CAMSAP2: variants seen among roughly 807,000 people sequenced by gnomAD.
The protein encoded by CAMSAP2 is calmodulin regulated spectrin associated protein family member 2, also known as calmodulin-regulated spectrin-associated protein 2.
A neutral mutation model predicts 146.1 loss-of-function variants in CAMSAP2; 26 were observed. The ratio of observed to expected loss-of-function variants is 0.18; its 90% CI spans 0.13 to 0.25. CAMSAP2 has a LOEUF of 0.25. CAMSAP2 is among the 10% of genes least tolerant of loss of function. The probability of loss-of-function intolerance (pLI) is 1.00; values close to 1 mark genes in which losing one functional copy is unlikely to be tolerated. For missense variants in CAMSAP2, 1,381 were observed against 1,759.3 expected (o/e 0.78, Z 3.85); for synonymous variants, 499 against 596.6 (o/e 0.84, Z 2.38).
intron 2 of CAMSAP2, among the ~76,000 whole-genome samples, chr1:200,780,582 G>A (rs962245212): frequency 1.3e-5 from 2 of 152,202 alleles, no homozygotes; most frequent in African/African-American, 4.8e-5. Context: ...TGTAGAGGCA[G>A]TGAGGTGTGG....
intron 2 of CAMSAP2, among the ~76,000 whole-genome samples, chr1:200,805,342 A>G (rs1666143944): frequency 6.6e-6 from 1 of 152,226 alleles, no homozygotes; most frequent in South Asian, 2.1e-4. Context: ...CCAAAAGGCT[A>G]GCTTCTTTCT....
intron 4 of CAMSAP2, among the ~76,000 whole-genome samples, chr1:200,824,179 C>T (rs897643608): frequency 4.7e-5 from 7 of 150,276 alleles, no homozygotes; most frequent in African/African-American, 1.5e-4. Context: ...ATTTGGCCAA[C>T]GGGAGTCCCT....
At chr1:200,828,267 T>G (rs1666953347) in intron 4 of CAMSAP2, among the ~76,000 whole-genome samples, 2 of 152,326 alleles carry the variant, frequency 1.3e-5, no homozygotes, top group Admixed American at 1.3e-4. Flanking sequence ...TTTTTTAATA[T>G]GACATATGAT....
At position 200,848,628 on chromosome 1, in the gene CAMSAP2, C is replaced by T. The variant is rs367897429; in HGVS notation, c.1859C>T (p.Pro620Leu). The T allele has an allele frequency of 6.2e-7, 1 of 1,614,104 alleles. No individual in the cohort carries two copies. Among genetic ancestry groups the T allele is most frequent in the Non-Finnish European group, 8.5e-7 (1 of 1,179,996 alleles). Reference sequence around the variant, plus strand: ...ATTCACGTTCCTTCAGAAGATATTCCTGAAACTATGGACGAAGATTCTTCG... The same window carrying T: ...ATTCACGTTCCTTCAGAAGATATTCTTGAAACTATGGACGAAGATTCTTCG... ...TGIHVPSEDI[P>L]ETMDEDSSLR... Residue 620 changes from proline to leucine, a missense_variant, in exon 11 of 17, where the codon CCT becomes CTT. Physicochemically the swap from Pro to Leu is moderately conservative, Grantham distance 98 (BLOSUM62 -3). Transcript: ENST00000358823.
chr1:200,772,019 A>T (rs1423547777), intron 2 of CAMSAP2, among the ~76,000 whole-genome samples: 1 of 152,184 alleles, frequency 6.6e-6, no homozygotes, highest in East Asian at 1.9e-4. Context: ...GACCATTTTT[A>T]CTCACTTGAG....
Position 200,773,164 on chromosome 1 carries a change from T to G in CAMSAP2, c.399+12066T>G, listed in dbSNP as rs927366804. ...AAGCTAAGATACTTAAGGAGTTGTC[T>G]GATATTACAGACCTGCCAGCAATAA... is the stretch of plus-strand genomic sequence containing the variant. On this transcript the variant is annotated intron_variant, in intron 2 of 16. Transcript: ENST00000358823. Among the ~76,000 whole-genome samples, 3 of 152,234 alleles carry G rather than the reference T, an allele frequency of 2.0e-5. No homozygotes were observed. In the South Asian group the frequency reaches 6.2e-4, roughly 31 times the overall value.
At chr1:200,756,984 ATAACT>A (rs1198695997) in intron 1 of CAMSAP2, among the ~76,000 whole-genome samples, 2 of 152,044 alleles carry the variant, frequency 1.3e-5, no homozygotes, top group Non-Finnish European at 2.9e-5. Context: ...TGCCATTTTG[ATAACT>A]TTAATTACTG....
At chr1:200,820,336 A>G (rs1382915194) in intron 4 of CAMSAP2, among the ~76,000 whole-genome samples, 4 of 152,136 alleles carry the variant, frequency 2.6e-5, no homozygotes, top group Admixed American at 2.6e-4. Flanking sequence ...GATTATAGGT[A>G]TGAGACACCA....
chr1:200,837,104 A>T (rs1447386439), intron 6 of CAMSAP2, among the ~76,000 whole-genome samples: 1 of 151,924 alleles, frequency 6.6e-6, no homozygotes, highest in Non-Finnish European at 1.5e-5. Flanking sequence ...ATTAGATCCT[A>T]TTTGTCAATT....
chr1:200,853,544 ATTGGT>A lies in CAMSAP2; in HGVS notation c.3823+53_3823+57del, dbSNP rs1667678855. 7.0e-7 allele frequency: 1 copy of A among 1,419,038 alleles called. No homozygotes were observed. 87.9% of individuals were successfully genotyped at this position (1,419,038 alleles called of 1,614,324 possible). A position where few individuals can be genotyped will look rare whatever the true frequency, so the allele number is the denominator to read the frequency against. ...TCTGTTCATAAAAAACACCAGCTTG[ATTGGT>A]TTGTCATACTAACTTGGTTGTACTT... On this transcript the variant is annotated intron_variant, in intron 13 of 16. Coordinates refer to ENST00000358823, the MANE Select transcript of CAMSAP2 (RefSeq NM_203459.4). The surrounding 1 kb of genome is among the most constrained non-coding windows in gnomAD (Gnocchi z 5.1).
intron 1 of CAMSAP2, among the ~76,000 whole-genome samples, chr1:200,750,559 A>G (rs1224619358): frequency 2.0e-5 from 3 of 150,452 alleles, no homozygotes; most frequent in Admixed American, 6.7e-5. Context: ...CCTACCTCCC[A>G]CACAAATGCC....
intron 2 of CAMSAP2, 58 bp downstream of exon 2, chr1:200,761,156 A>G: frequency 1.4e-6 from 2 of 1,463,670 alleles, no homozygotes; most frequent in East Asian, 2.3e-5. Flanking sequence ...TTTGAGTGTG[A>G]ATGATATACT....
At chr1:200,753,740 CCT>C (rs921237249) in intron 1 of CAMSAP2, among the ~76,000 whole-genome samples, 2 of 152,156 alleles carry the variant, frequency 1.3e-5, no homozygotes, top group Admixed American at 6.5e-5. Flanking sequence ...TCCCTTCTTC[CCT>C]CTCTTCCATT....
At chr1:200,787,974 T>C (rs1373969269) in intron 2 of CAMSAP2, among the ~76,000 whole-genome samples, 1 of 152,230 alleles carries the variant, frequency 6.6e-6, no homozygotes, top group Non-Finnish European at 1.5e-5. Context: ...CATAATGATA[T>C]TGCACTCAAT....
At position 200,857,274 on chromosome 1, in the gene CAMSAP2, T is replaced by C; in HGVS notation, c.4013-32T>C. 7.5e-7 allele frequency: 1 copy of C among 1,325,240 alleles called. No individual in the cohort carries two copies. Among genetic ancestry groups the C allele is most frequent in the Non-Finnish European group, 1.1e-6 (1 of 922,334 alleles). 82.1% of individuals were successfully genotyped at this position (1,325,240 alleles called of 1,614,324 possible). A position where few individuals can be genotyped will look rare whatever the true frequency, so the allele number is the denominator to read the frequency against. ...TAGTATTTCTGACTTAGGAATGTTA[T>C]TTTTATTATTGTTGTTAAATCCCTA... On this transcript the variant is annotated intron_variant, in intron 15 of 16. Coordinates refer to ENST00000358823, the MANE Select transcript of CAMSAP2 (RefSeq NM_203459.4). The surrounding 1 kb of genome is among the most constrained non-coding windows in gnomAD (Gnocchi z 4.7).
In CAMSAP2 at chr1:200,807,509, A is replaced by G. The variant is rs748810827; in HGVS notation, c.533A>G (p.Glu178Gly). The G allele has an allele frequency of 6.2e-7, 1 of 1,611,140 alleles. No individual in the cohort carries two copies. Residue 178 changes from glutamate (E) to glycine (G), a missense_variant, in exon 3 of 17, where the codon GAG becomes GGG. Physicochemically the swap from Glu to Gly is moderately conservative, Grantham distance 98. Around this residue, in one of 4 missense-constraint regions of CAMSAP2, gnomAD observed 284 missense variants for 406.9 expected, o/e 0.70. Coordinates refer to ENST00000358823, the MANE Select transcript of CAMSAP2 (RefSeq NM_203459.4). ...GCCACAGATCTGCCCTATGATATTG[A>G]GGACGCTGTCATGTACTGGATAAAT... is the stretch of plus-strand genomic sequence containing the variant. ...FQATDLPYDI[E>G]DAVMYWINKV...
intron 11 of CAMSAP2, among the ~76,000 whole-genome samples, chr1:200,851,435 T>C (rs919317721): frequency 6.6e-6 from 1 of 152,206 alleles, no homozygotes; most frequent in African/African-American, 2.4e-5. Flanking sequence ...CCTCAGGTGA[T>C]CTACCCGCCT....
At chr1:200,787,387 T>C (rs959925003) in intron 2 of CAMSAP2, among the ~76,000 whole-genome samples, 6 of 152,148 alleles carry the variant, frequency 3.9e-5, no homozygotes, top group Non-Finnish European at 7.4e-5. Flanking sequence ...GGGATGACTT[T>C]AAGGGGTTCA....
At chr1:200,755,908 G>C (rs978278797) in intron 1 of CAMSAP2, among the ~76,000 whole-genome samples, 1 of 152,158 alleles carries the variant, frequency 6.6e-6, no homozygotes, top group South Asian at 2.1e-4. Flanking sequence ...ATTTAACTGA[G>C]ATCTGAATGG....
Sources: gnomAD v4.1 joint callset for allele counts (sites outside exome capture counted in the v4.1 genomes callset) on GRCh38, gnomAD v4.1.1 for gene constraint, gnomAD v4.1.1 regional missense constraint, Gnocchi (gnomAD v3.1) non-coding constraint, MANE v1.5 for transcripts, NCBI Gene and HGNC (gene_info 2026-07-23, HGNC 2026-07-21) for gene names.